Variants in PPP1R9A observed in about 807,000 individuals in gnomAD.
The protein encoded by PPP1R9A is protein phosphatase 1 regulatory subunit 9A, also known as neurabin-1.
Under a neutral mutation model 141.9 loss-of-function variants are expected in PPP1R9A, and 59 were observed. The observed-to-expected ratio is 0.42, with a 90% confidence interval of 0.34 to 0.52. PPP1R9A has a LOEUF of 0.52. Ranked by LOEUF, PPP1R9A falls within the 20% of genes least tolerant of loss-of-function variation. The pLI is 0.10. For missense variants in PPP1R9A, 1,444 were observed against 1,611.9 expected, an observed-to-expected ratio of 0.90 and a Z score of 1.78; for synonymous variants, 500 against 569.7, an observed-to-expected ratio of 0.88 and a Z score of 1.74.
chr7:94,967,775 CTGTT>C lies in PPP1R9A; in HGVS notation c.1395+56272_1395+56275del, dbSNP rs565054519. On this transcript the variant is annotated intron_variant, in intron 2 of 19. Transcript: ENST00000433360. The stretch of plus-strand genomic sequence containing the variant: ...TTTGATTGCACTGTGGTCTGGGAGA[CTGTT>C]TGTTGTGATTTCCATTCTTTTACAT... Among the ~76,000 whole-genome samples, 994 of 152,110 alleles carry C rather than the reference CTGTT, an allele frequency of 6.5e-3. 13 individuals are homozygous for C. The highest frequency in any genetic ancestry group is 0.023 in the African/African-American group (941 of 41,460).
rs539013879 is a variant in PPP1R9A at position 95,222,540 on chromosome 7, A to T, written c.1957-3421A>T. Among the ~76,000 whole-genome samples, 7 of 152,062 alleles carry T rather than the reference A, an allele frequency of 4.6e-5. No individual in the cohort carries two copies. In the East Asian group the frequency reaches 1.4e-3, roughly 29 times the overall value. Reference sequence around the variant, plus strand: ...ACTAAAAATATCATATATTAATCAGAAAGGTAGGTAAAGACATGAAAGGGA... The same window carrying T: ...ACTAAAAATATCATATATTAATCAGTAAGGTAGGTAAAGACATGAAAGGGA... On this transcript the variant is annotated intron_variant, in intron 7 of 19. Transcript: ENST00000433360.
intron 2 of PPP1R9A, among the ~76,000 whole-genome samples, chr7:94,998,382 G>T (rs1316857059): frequency 2.6e-5 from 4 of 152,032 alleles, no homozygotes; most frequent in African/African-American, 9.7e-5. Context: ...CTTCTAGAAG[G>T]GTCAAATGTT....
rs376841910 is a variant in PPP1R9A, at chr7:95,273,999, C to T, written c.3212+13C>T. The T allele has an allele frequency of 5.9e-5, 88 of 1,501,700 alleles. No individual in the cohort carries two copies. Among genetic ancestry groups the T allele is most frequent in the Non-Finnish European group, 7.7e-5 (84 of 1,094,020 alleles). 93.0% of individuals were successfully genotyped at this position (1,501,700 alleles called of 1,614,324 possible). On this transcript the variant is annotated intron_variant, in intron 15 of 19. Transcript: ENST00000433360. ...TTGTGGATCTGGGGTAAGCACTTCACGATGTAAAAAGAAAGCCCTCTGTAA... is the reference window on the plus strand; with the variant it reads ...TTGTGGATCTGGGGTAAGCACTTCATGATGTAAAAAGAAAGCCCTCTGTAA...
chr7:95,188,749 C>T (rs930554912), intron 5 of PPP1R9A, among the ~76,000 whole-genome samples: 3 of 151,930 alleles, frequency 2.0e-5, no homozygotes, highest in Admixed American at 2.0e-4. Flanking sequence ...CAGGCACCTG[C>T]CACTGCACCT....
chr7:94,949,890 TC>T (rs1563034464), intron 2 of PPP1R9A, among the ~76,000 whole-genome samples: 1 of 151,630 alleles, frequency 6.6e-6, no homozygotes, highest in African/African-American at 2.4e-5. Flanking sequence ...ATGTTTTCTT[TC>T]CCCAGTAAAA....
rs1045343343 is a variant in PPP1R9A at position 95,292,340 on chromosome 7, A to G, written c.*2037A>G. 1.3e-5 allele frequency: 2 copies of G among 152,618 alleles called. No individual in the cohort carries two copies. Among genetic ancestry groups the G allele is most frequent in the African/African-American group, 2.4e-5 (1 of 41,450 alleles). 9.5% of individuals were successfully genotyped at this position (152,618 alleles called of 1,614,324 possible). On this transcript the variant is annotated 3_prime_UTR_variant, in exon 20 of 20. Coordinates refer to ENST00000433360, the MANE Select transcript of PPP1R9A (RefSeq NM_001166160.2). ...AAATCTGGTAATATTAGTGCTTGCTATTGTAAATTTTTGCCATTTTTGCTT... is the reference window on the plus strand; with the variant it reads ...AAATCTGGTAATATTAGTGCTTGCTGTTGTAAATTTTTGCCATTTTTGCTT...
At chr7:95,270,312 G>A (rs764673730) in intron 14 of PPP1R9A, among the ~76,000 whole-genome samples, 70 of 152,088 alleles carry the variant, frequency 4.6e-4, no homozygotes, top group Non-Finnish European at 8.5e-4. Context: ...TTTAAAAAGT[G>A]TTATACCTTT....
chr7:95,215,119 C>G (rs984616482), intron 7 of PPP1R9A, among the ~76,000 whole-genome samples: 1 of 111,598 alleles, frequency 9.0e-6, no homozygotes, highest in Non-Finnish European at 1.7e-5. Flanking sequence ...TTTCCCTCCC[C>G]CCTCCCCCCA....
intron 2 of PPP1R9A, among the ~76,000 whole-genome samples, chr7:95,092,753 C>T (rs527885089): frequency 3.9e-5 from 6 of 152,218 alleles, no homozygotes; most frequent in African/African-American, 9.6e-5. Context: ...CATATAAGTA[C>T]GAAAGGACTA....
At position 94,962,617 on chromosome 7, in the gene PPP1R9A, C is replaced by A. The variant is rs575002677; in HGVS notation, c.1395+51109C>A. ...TATTTATAAGCGTATAGTATTCAAT[C>A]AAAAAACTCATGTTGAAAATTCAGA... On this transcript the variant is annotated intron_variant, in intron 2 of 19. Coordinates refer to ENST00000433360, the MANE Select transcript of PPP1R9A (RefSeq NM_001166160.2). Among the ~76,000 whole-genome samples, 68 of 152,022 alleles carry A rather than the reference C, an allele frequency of 4.5e-4. No individual in the cohort carries two copies. In the South Asian group the frequency reaches 0.011, roughly 25 times the overall value.
At chr7:95,287,007 C>T (rs1805476369) in intron 18 of PPP1R9A, 2 of 1,273,436 alleles carry the variant, frequency 1.6e-6, no homozygotes, top group Admixed American at 3.6e-5. Context: ...ATTCTTCAAG[C>T]TTGGTGCAAT....
chr7:95,079,388 G>C (rs1395963842), intron 2 of PPP1R9A, among the ~76,000 whole-genome samples: 2 of 152,032 alleles, frequency 1.3e-5, no homozygotes, highest in Non-Finnish European at 2.9e-5. Context: ...ACTGTAGCCT[G>C]GTAGAAGTTG....
intron 8 of PPP1R9A, among the ~76,000 whole-genome samples, chr7:95,232,104 A>G (rs141298740): frequency 2.0e-5 from 3 of 152,272 alleles, no homozygotes; most frequent in Admixed American, 2.0e-4. Flanking sequence ...CAAGGCTACT[A>G]TGAAAACCTT....
At chr7:94,944,057 G>T (rs564148556) in intron 2 of PPP1R9A, among the ~76,000 whole-genome samples, 4 of 152,056 alleles carry the variant, frequency 2.6e-5, no homozygotes, top group East Asian at 3.9e-4. Context: ...CATTTTGGGG[G>T]TATATGTGAT....
At position 95,269,485 on chromosome 7, in the gene PPP1R9A, C is replaced by G. The variant is rs1801822307; in HGVS notation, c.3102C>G (p.Asn1034Lys). The stretch of plus-strand genomic sequence containing the variant: ...CTCCTTGCCATCACCAAACCACCAA[C>G]AAGAAAATATTACGAGAAAAAGGTA... ...EESPCHHQTTNKKILREKDDA... is the reference protein window; with the variant it reads ...EESPCHHQTTKKKILREKDDA... The change falls in exon 14 of 20, where the codon AAC (asparagine) becomes AAG (lysine). Residue 1034 changes from asparagine (N) to lysine (K), a missense_variant. Asn to Lys is a moderately conservative substitution (Grantham distance 94). Coordinates refer to ENST00000433360, the MANE Select transcript of PPP1R9A (RefSeq NM_001166160.2). The G allele has an allele frequency of 6.3e-7, 1 of 1,578,948 alleles. No homozygotes were observed. The highest frequency in any genetic ancestry group is 1.3e-5 in the African/African-American group (1 of 74,348).
chr7:94,913,797 T>C (rs1487921073), intron 2 of PPP1R9A, among the ~76,000 whole-genome samples: 1 of 152,204 alleles, frequency 6.6e-6, no homozygotes, highest in Non-Finnish European at 1.5e-5. Context: ...ATGTGTGTTC[T>C]CTCATGCTGT....
intron 8 of PPP1R9A, among the ~76,000 whole-genome samples, chr7:95,231,879 G>T (rs1796009229): frequency 6.6e-6 from 1 of 151,946 alleles, no homozygotes; most frequent in Non-Finnish European, 1.5e-5. Context: ...CAGAAGAAAA[G>T]AAATAATGAA....
At chr7:95,145,304 G>A (rs920307724) in intron 4 of PPP1R9A, among the ~76,000 whole-genome samples, 1 of 152,166 alleles carries the variant, frequency 6.6e-6, no homozygotes, top group African/African-American at 2.4e-5. Context: ...CATCACTGAT[G>A]CTGTCTGCAG....
At chr7:95,202,522 TG>T (rs907560735) in intron 6 of PPP1R9A, 52 of 475,478 alleles carry the variant, frequency 1.1e-4, no homozygotes, top group Non-Finnish European at 1.4e-4. Context: ...ATTGATCACT[TG>T]TTTTTTTTTT....
Sources: allele counts gnomAD v4.1 joint callset (sites outside exome capture counted in the v4.1 genomes callset), GRCh38; gene constraint gnomAD v4.1.1; transcripts MANE v1.5; gene names NCBI Gene and HGNC (gene_info 2026-07-23, HGNC 2026-07-21).